The following MBTPS2 variants were observed in gnomAD, a reference collection of about 807,000 sequenced individuals.
MBTPS2 encodes membrane bound transcription factor peptidase, site 2.
In MBTPS2, 2 loss-of-function variants were observed where a neutral mutation model predicts 35.4. The observed-to-expected ratio is 0.06, with a 90% CI of 0.02 to 0.18. The LOEUF (loss-of-function observed/expected upper bound fraction) is 0.18. MBTPS2 is among the 10% of genes least tolerant of loss of function. The pLI is 1.00. For missense variants in MBTPS2, 244 were observed against 386.5 expected, an observed-to-expected ratio of 0.63 and a Z score of 3.09; for synonymous variants, 125 against 140.4, an observed-to-expected ratio of 0.89 and a Z score of 0.77.
At chrX:21,855,422 A>G (rs927549898) in intron 5 of MBTPS2, among the ~76,000 whole-genome samples, 2 of 110,450 alleles carry the variant, frequency 1.8e-5, no homozygotes, top group Admixed American at 1.9e-4. Flanking sequence ...AAATTAAGAA[A>G]GTTGATAAAG....
chrX:21,856,074 T>G, intron 5 of MBTPS2: 1 of 146,394 alleles, frequency 6.8e-6, no homozygotes, highest in East Asian at 1.8e-4. Context: ...GACATGAAAA[T>G]CAACTAAAAT....
chrX:21,873,782 T>A (rs1007260600), intron 7 of MBTPS2, among the ~76,000 whole-genome samples: 31 of 110,748 alleles, frequency 2.8e-4, no homozygotes, highest in Non-Finnish European at 9.4e-5. Flanking sequence ...CAGTTTAAGA[T>A]AATAAAAGGA....
At chrX:21,861,452 T>C (rs2054393756) in intron 5 of MBTPS2, among the ~76,000 whole-genome samples, 1 of 111,974 alleles carries the variant, frequency 8.9e-6, no homozygotes, top group Non-Finnish European at 1.9e-5. Flanking sequence ...ACCTTATAAA[T>C]AAGTTGATAT....
intron 5 of MBTPS2, among the ~76,000 whole-genome samples, chrX:21,865,882 A>T (rs905581136): frequency 8.9e-6 from 1 of 112,389 alleles, no homozygotes; most frequent in Non-Finnish European, 1.9e-5. Flanking sequence ...AATAATCACC[A>T]GCTTCAAGTC....
At chrX:21,873,522 A>G (rs951439003) in intron 7 of MBTPS2, among the ~76,000 whole-genome samples, 2 of 112,026 alleles carry the variant, frequency 1.8e-5, no homozygotes, top group Non-Finnish European at 3.8e-5. Context: ...TGATGAAAGC[A>G]TTGTCTTGAG....
intron 5 of MBTPS2, chrX:21,857,089 G>A: frequency 8.3e-7 from 1 of 1,211,758 alleles, no homozygotes; most frequent in Non-Finnish European, 1.1e-6. Context: ...GTGGGTGAAG[G>A]CCAGGCTGAA....
intron 5 of MBTPS2, among the ~76,000 whole-genome samples, chrX:21,864,544 A>G (rs1398950848): frequency 8.9e-6 from 1 of 111,898 alleles, no homozygotes; most frequent in Non-Finnish European, 1.9e-5. Context: ...TATATAGGCC[A>G]GGTGTGGTGA....
chrX:21,860,584 G>A (rs1952792944), intron 5 of MBTPS2, among the ~76,000 whole-genome samples: 1 of 112,009 alleles, frequency 8.9e-6, no homozygotes, highest in Non-Finnish European at 1.9e-5. Flanking sequence ...CCTCATTGCC[G>A]CTTAACCAGC....
At chrX:21,847,643 A>C (rs1440833631) in intron 3 of MBTPS2, among the ~76,000 whole-genome samples, 1 of 112,241 alleles carries the variant, frequency 8.9e-6, no homozygotes, top group East Asian at 2.8e-4. Context: ...GAAAATAATA[A>C]AGAGAAGGAA....
chrX:21,863,330 A>T (rs1010272322), intron 5 of MBTPS2, among the ~76,000 whole-genome samples: 1 of 108,989 alleles, frequency 9.2e-6, no homozygotes, highest in Non-Finnish European at 1.9e-5. Flanking sequence ...TGAAAAAGTT[A>T]TTAGAAAACT....
chrX:21,845,581 A>G (rs2092907842), intron 3 of MBTPS2, among the ~76,000 whole-genome samples, 197 bp downstream of exon 3: 1 of 112,418 alleles, frequency 8.9e-6, no homozygotes, highest in Non-Finnish European at 1.9e-5. Flanking sequence ...AGTAGTTGTA[A>G]TATTAATGGT....
intron 5 of MBTPS2, chrX:21,857,618 C>T (rs1397820178): frequency 1.0e-5 from 12 of 1,184,432 alleles, no homozygotes; most frequent in South Asian, 1.9e-5. Context: ...GAGAAGACCC[C>T]TCTCAGACTT....
At position 21,843,158 on chromosome X, in the gene MBTPS2, T is replaced by C; in HGVS notation, c.76-12T>C. On this transcript the variant is annotated splice_polypyrimidine_tract_variant and intron_variant, in intron 1 of 10. Coordinates refer to ENST00000379484, the MANE Select transcript of MBTPS2 (RefSeq NM_015884.4). ...AAAATTGAGTGATGTAGAACTTTTCTTTCTCTCTTAGTCATCTGTCTATTT... is the reference window on the plus strand; with the variant it reads ...AAAATTGAGTGATGTAGAACTTTTCCTTCTCTCTTAGTCATCTGTCTATTT... The C allele has an allele frequency of 8.3e-7, 1 of 1,202,117 alleles. No individual in the cohort carries two copies. Among genetic ancestry groups the C allele is most frequent in the Non-Finnish European group, 1.1e-6 (1 of 886,305 alleles).
intron 3 of MBTPS2, 40 bp from the exon 4 acceptor site, chrX:21,851,469 C>T: frequency 7.0e-6 from 6 of 855,144 alleles, no homozygotes; most frequent in Non-Finnish European, 1.1e-5. Flanking sequence ...CTCCCCTGCA[C>T]CCCCACTGAT....
intron 5 of MBTPS2, among the ~76,000 whole-genome samples, chrX:21,862,931 A>T (rs11094817): frequency 1.8e-3 from 25 of 13,791 alleles, no homozygotes; most frequent in Admixed American, 4.5e-3. Context: ...TATATATATA[A>T]ACATATATAT....
Position 21,859,169 on chromosome X carries a change from A to AT in MBTPS2, c.670+5676dup, listed in dbSNP as rs200921428. ...ATAGGAAGTTCATTTATTGTTTACA[A>AT]TTTTTTTTTTAAATTGTAAAAAAAT... On this transcript the variant is annotated intron_variant, in intron 5 of 10. Transcript: ENST00000379484. 3.6e-4 allele frequency among the ~76,000 whole-genome samples: 40 copies of AT among 109,918 alleles called. 2 individuals carry two copies. The highest frequency in any genetic ancestry group is 1.1e-3 in the African/African-American group (32 of 30,280).
chrX:21,879,949 C>CTTTTTTATTTTTTTTTTTTTT (rs2092957282), intron 9 of MBTPS2, among the ~76,000 whole-genome samples: 1 of 47,425 alleles, frequency 2.1e-5, no homozygotes, highest in Non-Finnish European at 3.3e-5. Flanking sequence ...TTATGTTATT[C>CTTTTTTATTTTTTTTTTTTTT]TTTTTTTTTT....
intron 6 of MBTPS2, 27 bp from the exon 7 acceptor site, chrX:21,869,471 C>T: frequency 8.6e-7 from 1 of 1,157,483 alleles, no homozygotes; most frequent in Non-Finnish European, 1.2e-6. Flanking sequence ...CATGCATTAT[C>T]TGATTTGGTT....
chrX:21,874,986 C>CT (rs1219935737), intron 7 of MBTPS2, among the ~76,000 whole-genome samples: 2 of 112,474 alleles, frequency 1.8e-5, no homozygotes, highest in East Asian at 5.5e-4. Flanking sequence ...AAGCCTATAA[C>CT]TTTTTAAAAT....
Sources: gnomAD v4.1 joint callset for allele counts (sites outside exome capture counted in the v4.1 genomes callset) on GRCh38, gnomAD v4.1.1 for gene constraint, MANE v1.5 for transcripts, NCBI Gene and HGNC (gene_info 2026-07-23, HGNC 2026-07-21) for gene names.